The following IQCM variants were observed in gnomAD, a reference collection of about 807,000 sequenced individuals.
IQCM encodes the protein IQ domain-containing protein M.
IQCM carries 45 observed loss-of-function variants against 57.6 expected under a neutral mutation model. The ratio of observed to expected loss-of-function variants is 0.78; its 90% CI spans 0.62 to 1.00. The LOEUF (loss-of-function observed/expected upper bound fraction) is 1.00. Among genes scored for constraint, IQCM ranks in the 50% least tolerant of loss-of-function variants. IQCM has a pLI of 0.00. For synonymous variants in IQCM, 148 were observed against 158.9 expected (o/e 0.93, Z 0.51); for missense variants, 468 against 511.6 (o/e 0.91, Z 0.82).
At chr4:149,776,828 A>G (rs1450566758) in intron 2 of IQCM, among the ~76,000 whole-genome samples, 1 of 152,122 alleles carries the variant, frequency 6.6e-6, no homozygotes, top group African/African-American at 2.4e-5. Context: ...TTATATACAT[A>G]GAACATTCAA....
intron 7 of IQCM, among the ~76,000 whole-genome samples, chr4:149,633,139 G>A (rs1757428936): frequency 2.4e-5 from 3 of 125,298 alleles, no homozygotes; most frequent in South Asian, 5.5e-4. Context: ...CCGCAGTCCA[G>A]CCTGGGCGAC....
At chr4:149,356,690 C>T (rs897290512) in intron 13 of IQCM, among the ~76,000 whole-genome samples, 1 of 152,132 alleles carries the variant, frequency 6.6e-6, no homozygotes, top group African/African-American at 2.4e-5. Context: ...ATGCCTCCAG[C>T]TTTGTTCTTT....
At chr4:149,639,175 C>A (rs185767752) in intron 7 of IQCM, among the ~76,000 whole-genome samples, 1 of 152,140 alleles carries the variant, frequency 6.6e-6, no homozygotes, top group African/African-American at 2.4e-5. Context: ...GCCTATAATA[C>A]CAGCACTTTG....
intron 2 of IQCM, among the ~76,000 whole-genome samples, chr4:149,783,187 T>G (rs1353944512): frequency 6.6e-6 from 1 of 152,204 alleles, no homozygotes; most frequent in African/African-American, 2.4e-5. Context: ...TAAAACTGAA[T>G]TCTTTTTTCC....
At chr4:149,747,292 T>C (rs1028908790) in intron 2 of IQCM, among the ~76,000 whole-genome samples, 1 of 152,346 alleles carries the variant, frequency 6.6e-6, no homozygotes. Context: ...GCTCTGTATA[T>C]GAAGGATCGA....
At chr4:149,695,213 TTCAA>T (rs1763250796) in intron 5 of IQCM, among the ~76,000 whole-genome samples, 1 of 152,184 alleles carries the variant, frequency 6.6e-6, no homozygotes, top group African/African-American at 2.4e-5. Context: ...CATCCATTTA[TTCAA>T]TCATTCATTC....
At chr4:149,609,167 G>A (rs2654825) in intron 8 of IQCM, among the ~76,000 whole-genome samples, 65,828 of 151,230 alleles carry the variant, frequency 0.44, 14,675 homozygotes, top group South Asian at 0.58. Context: ...CTAGACACAT[G>A]CAACCTACGA....
intron 8 of IQCM, among the ~76,000 whole-genome samples, chr4:149,597,255 C>T (rs1753862411): frequency 6.6e-6 from 1 of 151,706 alleles, no homozygotes; most frequent in Non-Finnish European, 1.5e-5. Context: ...TAAAAAAACA[C>T]CTAGGTTGCA....
At chr4:149,810,033 C>A (rs1158867541) in intron 2 of IQCM, among the ~76,000 whole-genome samples, 1 of 151,758 alleles carries the variant, frequency 6.6e-6, no homozygotes, top group Non-Finnish European at 1.5e-5. Flanking sequence ...TATATCTTAT[C>A]TCCAACTCCT....
chr4:149,373,086 T>C (rs1175669977), intron 13 of IQCM, among the ~76,000 whole-genome samples: 2 of 152,178 alleles, frequency 1.3e-5, no homozygotes, highest in Non-Finnish European at 1.5e-5. Context: ...TAGACTGATA[T>C]TGTGAAAGCA....
In IQCM at chr4:149,756,910, C is replaced by T. The variant is rs188564448; in HGVS notation, c.-48-14171G>A. Among the ~76,000 whole-genome samples the T allele has an allele frequency of 7.4e-3, 1,132 of 152,268 alleles. 37 individuals carry two copies. The highest frequency in any genetic ancestry group is 0.061 in the Admixed American group (938 of 15,284). On this transcript the variant is annotated intron_variant, in intron 2 of 13. Coordinates refer to ENST00000636793, the MANE Select transcript of IQCM (RefSeq NM_001363507.2). ...TAGAATAGAAATATAATGTATAACT[C>T]CCAAACTACCAGATAAACCACACAG...
chr4:149,642,665 G>A (rs568902579), intron 7 of IQCM, among the ~76,000 whole-genome samples: 12 of 152,216 alleles, frequency 7.9e-5, no homozygotes, highest in East Asian at 3.9e-4. Flanking sequence ...TTTAAAGTAC[G>A]TTTTAGAACA....
intron 7 of IQCM, among the ~76,000 whole-genome samples, chr4:149,654,308 G>T (rs910901395): frequency 5.3e-5 from 8 of 152,138 alleles, no homozygotes; most frequent in Non-Finnish European, 7.4e-5. Context: ...TGGAGATGGG[G>T]TGTGGTAGGA....
At chr4:149,672,040 C>A (rs1402503712) in intron 7 of IQCM, among the ~76,000 whole-genome samples, 1 of 152,144 alleles carries the variant, frequency 6.6e-6, no homozygotes, top group Admixed American at 6.6e-5. Flanking sequence ...CAAACTCCAA[C>A]AGACCTGCAG....
chr4:149,503,605 C>T (rs1160940943), intron 12 of IQCM, among the ~76,000 whole-genome samples: 1 of 151,978 alleles, frequency 6.6e-6, no homozygotes, highest in African/African-American at 2.4e-5. Flanking sequence ...GATTCAGAAT[C>T]TAGGATATAA....
At chr4:149,479,199 T>C (rs1008931595) in intron 12 of IQCM, among the ~76,000 whole-genome samples, 7 of 152,168 alleles carry the variant, frequency 4.6e-5, no homozygotes, top group African/African-American at 1.7e-4. Flanking sequence ...ACTGGTTACA[T>C]TGAACCTATT....
At chr4:149,411,187 A>G (rs17686585) in intron 13 of IQCM, among the ~76,000 whole-genome samples, 22,168 of 152,114 alleles carry the variant, frequency 0.15, 2,031 homozygotes, top group South Asian at 0.33. Flanking sequence ...CACTTTCAAT[A>G]GTATTTAGCA....
At chr4:149,435,420 G>A (rs1204293933) in intron 12 of IQCM, among the ~76,000 whole-genome samples, 1 of 152,062 alleles carries the variant, frequency 6.6e-6, no homozygotes, top group East Asian at 1.9e-4. Flanking sequence ...TGATGCTGGT[G>A]TAAATAATGT....
chr4:149,586,728 C>G (rs1752678363), intron 9 of IQCM, among the ~76,000 whole-genome samples: 1 of 151,612 alleles, frequency 6.6e-6, no homozygotes, highest in African/African-American at 2.4e-5. Context: ...TTGTTAAAAT[C>G]TGCTATATGT....
Sources: allele counts gnomAD v4.1 joint callset (sites outside exome capture counted in the v4.1 genomes callset), GRCh38; gene constraint gnomAD v4.1.1; transcripts MANE v1.5; gene names NCBI Gene and HGNC (gene_info 2026-07-23, HGNC 2026-07-21).